CDH11: variants seen among roughly 807,000 people sequenced by gnomAD.
The protein encoded by CDH11 is cadherin-11.
Under a neutral mutation model 67.8 loss-of-function variants are expected in CDH11, and 11 were observed. The observed-to-expected ratio is 0.16, with a 90% CI of 0.10 to 0.27. CDH11 has a LOEUF of 0.27. Ranked by LOEUF, CDH11 falls within the 10% of genes least tolerant of loss-of-function variation. The probability of loss-of-function intolerance (pLI) is 1.00; values close to 1 mark genes in which losing one functional copy is unlikely to be tolerated. For missense variants in CDH11, 847 were observed against 1,031.2 expected (o/e 0.82, Z 2.45); for synonymous variants, 419 against 400.0 (o/e 1.05, Z -0.57).
chr16:65,112,275 A>C (rs2075174070), intron 1 of CDH11, among the ~76,000 whole-genome samples: 1 of 152,048 alleles, frequency 6.6e-6, no homozygotes, highest in African/African-American at 2.4e-5. Flanking sequence ...GCAATGCTAC[A>C]ACCACCACCA....
At chr16:65,047,825 C>T (rs1039551559) in intron 2 of CDH11, among the ~76,000 whole-genome samples, 9 of 152,226 alleles carry the variant, frequency 5.9e-5, no homozygotes, top group African/African-American at 1.4e-4. Context: ...AAATCCTTCC[C>T]GGTTTCTCCT....
At chr16:65,068,760 T>A (rs2074364422) in intron 1 of CDH11, among the ~76,000 whole-genome samples, 1 of 152,232 alleles carries the variant, frequency 6.6e-6, no homozygotes, top group Non-Finnish European at 1.5e-5. Flanking sequence ...TCTAAGCCAT[T>A]CGCTTTAATT....
intron 8 of CDH11, among the ~76,000 whole-genome samples, chr16:64,979,774 T>C (rs567621744): frequency 1.7e-4 from 26 of 152,298 alleles, no homozygotes; most frequent in African/African-American, 6.0e-4. Flanking sequence ...TCCAGGAATG[T>C]TCAGCATTAT....
intron 4 of CDH11, among the ~76,000 whole-genome samples, chr16:64,996,022 A>G (rs764292834): frequency 6.6e-6 from 1 of 152,232 alleles, no homozygotes; most frequent in Non-Finnish European, 1.5e-5. Context: ...AGAAATGTAA[A>G]TGAAACCCAT....
chr16:65,076,326 G>C (rs1348616155), intron 1 of CDH11, among the ~76,000 whole-genome samples: 1 of 152,054 alleles, frequency 6.6e-6, no homozygotes, highest in Non-Finnish European at 1.5e-5. Flanking sequence ...TTCTTTTACA[G>C]GGTGATGCCG....
intron 2 of CDH11, among the ~76,000 whole-genome samples, chr16:65,029,472 T>C (rs368981686): frequency 6.6e-6 from 1 of 152,286 alleles, no homozygotes; most frequent in East Asian, 1.9e-4. Flanking sequence ...AAATGAAATT[T>C]TTTTCTGCCA....
intron 2 of CDH11, among the ~76,000 whole-genome samples, chr16:65,017,692 T>G (rs2073338825): frequency 6.6e-6 from 1 of 152,150 alleles, no homozygotes; most frequent in East Asian, 1.9e-4. Context: ...AGTAGTCAGT[T>G]GATTCCAATA....
chr16:65,045,987 C>T (rs1253498901), intron 2 of CDH11, among the ~76,000 whole-genome samples: 3 of 152,148 alleles, frequency 2.0e-5, no homozygotes, highest in Admixed American at 2.0e-4. Flanking sequence ...AGGCCCAGAG[C>T]ACATGACTAC....
chr16:65,016,134 G>T (rs1240027421), intron 2 of CDH11, among the ~76,000 whole-genome samples: 3 of 152,142 alleles, frequency 2.0e-5, no homozygotes, highest in East Asian at 1.9e-4. Flanking sequence ...ACTAAACTCT[G>T]CCACATTTTT....
intron 2 of CDH11, among the ~76,000 whole-genome samples, chr16:65,035,994 C>T (rs541139551): frequency 9.8e-5 from 15 of 152,292 alleles, no homozygotes; most frequent in Admixed American, 5.2e-4. Context: ...CAGGTGGTCA[C>T]AGCTCACTAA....
chr16:64,988,252 A>T lies in CDH11; in HGVS notation c.904T>A (p.Leu302Ile). The change falls in exon 7 of 13, where the codon TTA becomes ATA. Residue 302 changes from leucine (L) to isoleucine (I), a missense_variant. By Grantham distance (5) the Leu-to-Ile change is conservative. This residue lies in a region of CDH11 where 612 missense variants were observed against 678.7 expected (regional missense o/e 0.90). Coordinates refer to ENST00000268603, the MANE Select transcript of CDH11 (RefSeq NM_001797.4). ...CCATCAACAATATTGTATGTGACTA[A>T]GCCATTTTCTCCAATGTCTGGATCT... ...AKDPDIGENG[L>I]VTYNIVDGDG... is the part of the protein sequence containing the mutation. 4 of 1,613,768 alleles carry T rather than the reference A, an allele frequency of 2.5e-6. No homozygotes were observed. The highest frequency in any genetic ancestry group is 2.5e-6 in the Non-Finnish European group (3 of 1,179,732).
chr16:65,110,434 TACCTAGGAAGG>T (rs2075136293), intron 1 of CDH11, among the ~76,000 whole-genome samples: 1 of 152,088 alleles, frequency 6.6e-6, no homozygotes, highest in African/African-American at 2.4e-5. Flanking sequence ...AAACCCCAGA[TACCTAGGAAGG>T]CTGGGCAGTT....
intron 1 of CDH11, among the ~76,000 whole-genome samples, chr16:65,081,459 C>CGCGGGAGGCTGAG (rs1447338662): frequency 2.9e-4 from 44 of 151,972 alleles, no homozygotes; most frequent in Admixed American, 7.9e-4. Flanking sequence ...GTCCCAGCTA[C>CGCGGGAGGCTGAG]GCGGGAGGCT....
intron 8 of CDH11, 52 bp downstream of exon 8, chr16:64,981,996 C>A: frequency 6.5e-7 from 1 of 1,530,414 alleles, no homozygotes; most frequent in South Asian, 1.3e-5. Flanking sequence ...TTCCCAGAAC[C>A]TCTTGACTCT....
rs116951841 is a variant in CDH11 at position 65,027,794 on chromosome 16, T to C, written c.-172-22753A>G. On this transcript the variant is annotated intron_variant, in intron 2 of 12. Coordinates refer to ENST00000268603, the MANE Select transcript of CDH11 (RefSeq NM_001797.4). ...CTCAGCAACCCCAAGGTCTAAGTTTTCATCCTCCATCTCTTCCATGCCTAG... is the reference window on the plus strand; with the variant it reads ...CTCAGCAACCCCAAGGTCTAAGTTTCCATCCTCCATCTCTTCCATGCCTAG... 5.8e-4 allele frequency among the ~76,000 whole-genome samples: 89 copies of C among 152,310 alleles called. 1 individual carries two copies. The East Asian group carries it at 0.016, about 28-fold the overall frequency.
intron 9 of CDH11, 29 bp downstream of exon 9, chr16:64,972,875 A>T (rs1189436859): frequency 1.2e-6 from 2 of 1,610,786 alleles, no homozygotes; most frequent in South Asian, 2.2e-5. Flanking sequence ...TTGGTAAAGT[A>T]GAATCAAAAC....
At chr16:65,093,692 T>G (rs568949570) in intron 1 of CDH11, among the ~76,000 whole-genome samples, 1 of 152,260 alleles carries the variant, frequency 6.6e-6, no homozygotes, top group South Asian at 2.1e-4. Flanking sequence ...TTCACAGTGG[T>G]AGATACTAGG....
At chr16:65,080,247 C>T (rs551935961) in intron 1 of CDH11, among the ~76,000 whole-genome samples, 36 of 149,688 alleles carry the variant, frequency 2.4e-4, no homozygotes, top group African/African-American at 4.9e-4. Flanking sequence ...CTGGGCTACT[C>T]GGTATTTTAA....
At chr16:65,046,460 G>A (rs1410917659) in intron 2 of CDH11, among the ~76,000 whole-genome samples, 1 of 152,216 alleles carries the variant, frequency 6.6e-6, no homozygotes, top group East Asian at 1.9e-4. Context: ...GGGTGGATTT[G>A]CTGCTTATGG....
Sources: gnomAD v4.1 joint callset for allele counts (sites outside exome capture counted in the v4.1 genomes callset) on GRCh38, gnomAD v4.1.1 for gene constraint, gnomAD v4.1.1 regional missense constraint, MANE v1.5 for transcripts, NCBI Gene and HGNC (gene_info 2026-07-23, HGNC 2026-07-21) for gene names.